GRIN2A: variants seen among roughly 807,000 people sequenced by gnomAD.
GRIN2A encodes glutamate receptor ionotropic, NMDA 2A.
Under a neutral mutation model 113.4 loss-of-function variants are expected in GRIN2A, and 22 were observed. The ratio of observed to expected loss-of-function variants is 0.19; its 90% CI spans 0.14 to 0.28. The LOEUF (loss-of-function observed/expected upper bound fraction) is 0.28. Among genes scored for constraint, GRIN2A ranks in the 10% least tolerant of loss-of-function variants. The pLI is 1.00. For synonymous variants in GRIN2A, 827 were observed against 738.4 expected (o/e 1.12, Z -1.94); for missense variants, 1,502 against 1,887.0 (o/e 0.80, Z 3.78).
intron 2 of GRIN2A, among the ~76,000 whole-genome samples, chr16:10,152,862 A>C (rs576953802): frequency 1.3e-5 from 2 of 152,232 alleles, no homozygotes; most frequent in African/African-American, 4.8e-5. Flanking sequence ...GTATGATTCC[A>C]ACTATATGAC....
At chr16:9,932,811 G>A (rs958973985) in intron 3 of GRIN2A, among the ~76,000 whole-genome samples, 4 of 152,272 alleles carry the variant, frequency 2.6e-5, no homozygotes, top group East Asian at 1.9e-4. Context: ...GGGAGCCGAC[G>A]TGGAGTTCAG....
At chr16:10,098,092 G>GA (rs558416843) in intron 2 of GRIN2A, among the ~76,000 whole-genome samples, 12 of 150,164 alleles carry the variant, frequency 8.0e-5, no homozygotes, top group Admixed American at 3.3e-4. Context: ...AAATTAGCAA[G>GA]AAAAAAAAAC....
In GRIN2A at chr16:9,756,486, A is replaced by C. The variant is rs1042564840; in HGVS notation, c.*6663T>G. On this transcript the variant is annotated 3_prime_UTR_variant, in exon 13 of 13. Coordinates refer to ENST00000330684, the MANE Select transcript of GRIN2A (RefSeq NM_001134407.3). ...ATGCCCAGGAACCTCAAAAGAGCACACCTCTCTTTCTGACTTCTATTCTGA... is the reference window on the plus strand; with the variant it reads ...ATGCCCAGGAACCTCAAAAGAGCACCCCTCTCTTTCTGACTTCTATTCTGA... 4.4e-6 allele frequency: 1 copy of C among 225,248 alleles called. No individual in the cohort carries two copies. Among genetic ancestry groups the C allele is most frequent in the African/African-American group, 2.2e-5 (1 of 44,958 alleles). 14.0% of individuals were successfully genotyped at this position (225,248 alleles called of 1,614,324 possible). A position where few individuals can be genotyped will look rare whatever the true frequency, so the allele number is the denominator to read the frequency against.
intron 2 of GRIN2A, among the ~76,000 whole-genome samples, chr16:9,946,219 T>C (rs2045014751): frequency 6.6e-6 from 1 of 152,212 alleles, no homozygotes; most frequent in Non-Finnish European, 1.5e-5. Context: ...CCTGGTGCTC[T>C]GTCAACATGC....
At chr16:10,065,504 C>A (rs1424959988) in intron 2 of GRIN2A, among the ~76,000 whole-genome samples, 7 of 152,210 alleles carry the variant, frequency 4.6e-5, no homozygotes, top group Non-Finnish European at 7.3e-5. Context: ...TGTTTTAATG[C>A]ATGTTTAAAT....
chr16:9,967,883 T>C (rs1361376702), intron 2 of GRIN2A, among the ~76,000 whole-genome samples: 2 of 152,144 alleles, frequency 1.3e-5, no homozygotes, highest in Admixed American at 6.5e-5. Flanking sequence ...CCAAAAACTA[T>C]TGAAATAGAA....
chr16:10,060,251 A>T (rs545108085), intron 2 of GRIN2A, among the ~76,000 whole-genome samples: 10 of 152,230 alleles, frequency 6.6e-5, no homozygotes, highest in African/African-American at 9.6e-5. Context: ...TCACAGCCCA[A>T]TCCTCTATAC....
chr16:10,014,857 G>T (rs2046572407), intron 2 of GRIN2A, among the ~76,000 whole-genome samples: 1 of 152,128 alleles, frequency 6.6e-6, no homozygotes, highest in Admixed American at 6.5e-5. Context: ...GTTATTAATA[G>T]GAACATGACA....
At chr16:10,104,116 G>T (rs751376953) in intron 2 of GRIN2A, among the ~76,000 whole-genome samples, 1 of 152,178 alleles carries the variant, frequency 6.6e-6, no homozygotes, top group African/African-American at 2.4e-5. Flanking sequence ...GAGGCAAAGG[G>T]TTGTTATTTT....
chr16:10,164,661 C>T (rs1053865605), intron 2 of GRIN2A, among the ~76,000 whole-genome samples: 33 of 152,292 alleles, frequency 2.2e-4, no homozygotes, highest in African/African-American at 7.7e-4. Flanking sequence ...TAGAACTCCC[C>T]GCCAGGCTTC....
intron 2 of GRIN2A, among the ~76,000 whole-genome samples, chr16:10,114,896 T>G (rs1438790587): frequency 6.6e-6 from 1 of 152,270 alleles, no homozygotes. Flanking sequence ...ATTTTCTATG[T>G]AAAACTAAGG....
chr16:9,764,394 C>G lies in GRIN2A; in HGVS notation c.3150G>C (p.Arg1050Ser). ...ENRTHSLKSP[R>S]YLPEEMAHSD... Reference sequence around the variant, plus strand: ...AGTGGGCCATCTCTTCTGGAAGATACCTAGGGCTCTTTAGGGAGTGGGTCC... The same window carrying G: ...AGTGGGCCATCTCTTCTGGAAGATAGCTAGGGCTCTTTAGGGAGTGGGTCC... The change falls in exon 13 of 13, where the codon AGG (arginine) becomes AGC (serine). Residue 1050 changes from arginine to serine, a missense_variant. Transcript: ENST00000330684. 2 of 1,614,104 alleles carry G rather than the reference C, an allele frequency of 1.2e-6. No homozygotes were observed. Among genetic ancestry groups the G allele is most frequent in the Non-Finnish European group, 1.7e-6 (2 of 1,180,016 alleles).
chr16:10,173,163 C>T (rs2050077448), intron 2 of GRIN2A, among the ~76,000 whole-genome samples: 1 of 152,188 alleles, frequency 6.6e-6, no homozygotes, highest in African/African-American at 2.4e-5. Context: ...TGACATGCCT[C>T]ATGGAAAAGA....
chr16:9,982,154 G>C (rs1483121293), intron 2 of GRIN2A, among the ~76,000 whole-genome samples: 2 of 152,048 alleles, frequency 1.3e-5, no homozygotes, highest in African/African-American at 4.8e-5. Context: ...TGGGTCTTTT[G>C]TTGCAGTTTC....
At chr16:9,988,266 G>C (rs1376679131) in intron 2 of GRIN2A, among the ~76,000 whole-genome samples, 1 of 59,490 alleles carries the variant, frequency 1.7e-5, no homozygotes, top group African/African-American at 7.0e-5. Context: ...GAGATCCATA[G>C]GGGTGTGTGT....
At chr16:9,830,048 G>A (rs142988504) in intron 8 of GRIN2A, among the ~76,000 whole-genome samples, 3 of 152,290 alleles carry the variant, frequency 2.0e-5, no homozygotes, top group South Asian at 2.1e-4. Flanking sequence ...CAAATTCATC[G>A]GATGTGCTAT....
At chr16:9,776,942 G>C (rs975074864) in intron 11 of GRIN2A, among the ~76,000 whole-genome samples, 5 of 152,152 alleles carry the variant, frequency 3.3e-5, no homozygotes, top group Non-Finnish European at 7.4e-5. Flanking sequence ...ATGGCCTGGG[G>C]GACACAGAAT....
chr16:9,799,682 C>T (rs1294707843), intron 10 of GRIN2A, among the ~76,000 whole-genome samples: 1 of 152,182 alleles, frequency 6.6e-6, no homozygotes, highest in Non-Finnish European at 1.5e-5. Flanking sequence ...TATTATGCCA[C>T]ACAAACTATT....
intron 2 of GRIN2A, among the ~76,000 whole-genome samples, chr16:10,171,298 C>A (rs1354141989): frequency 6.6e-6 from 1 of 152,150 alleles, no homozygotes; most frequent in Non-Finnish European, 1.5e-5. Flanking sequence ...TAAACAAATA[C>A]CGTTGGAGCT....
Sources: gnomAD v4.1 joint callset for allele counts (sites outside exome capture counted in the v4.1 genomes callset) on GRCh38, gnomAD v4.1.1 for gene constraint, MANE v1.5 for transcripts, NCBI Gene and HGNC (gene_info 2026-07-23, HGNC 2026-07-21) for gene names.